The following RFX3 variants were observed in gnomAD, a reference collection of about 807,000 sequenced individuals.
RFX3 encodes the protein transcription factor RFX3.
RFX3 carries 14 observed loss-of-function variants against 98.6 expected under a neutral mutation model. The observed-to-expected ratio is 0.14, with a 90% confidence interval of 0.09 to 0.22. The LOEUF (loss-of-function observed/expected upper bound fraction) is 0.22. Among genes scored for constraint, RFX3 ranks in the 10% least tolerant of loss-of-function variants. The probability of loss-of-function intolerance (pLI) is 1.00; values close to 1 mark genes in which losing one functional copy is unlikely to be tolerated. For missense variants in RFX3, 639 were observed against 926.9 expected (o/e 0.69, Z 4.03); for synonymous variants, 383 against 328.4 (o/e 1.17, Z -1.80).
At chr9:3,451,850 A>C (rs62526386) in intron 1 of RFX3, among the ~76,000 whole-genome samples, 4 of 149,920 alleles carry the variant, frequency 2.7e-5, no homozygotes, top group Non-Finnish European at 1.5e-5. Context: ...TTTTTTTTTA[A>C]TATCTGCTAC....
At chr9:3,341,821 CA>C (rs1833920030) in intron 3 of RFX3, among the ~76,000 whole-genome samples, 2 of 152,152 alleles carry the variant, frequency 1.3e-5, no homozygotes, top group African/African-American at 2.4e-5. Context: ...ACTCCTATAC[CA>C]GTCAGAATGT....
chr9:3,375,195 T>A (rs542765176), intron 2 of RFX3, among the ~76,000 whole-genome samples: 2 of 152,304 alleles, frequency 1.3e-5, no homozygotes, highest in Non-Finnish European at 2.9e-5. Context: ...TTACTACTGA[T>A]CTCTTTCCAA....
chr9:3,489,450 T>C (rs1850560543), intron 1 of RFX3: 1 of 984,324 alleles, frequency 1.0e-6, no homozygotes, highest in Non-Finnish European at 1.2e-6. Context: ...AGCTGCTGCA[T>C]CTTCCTACAT....
chr9:3,321,684 G>A lies in RFX3; in HGVS notation c.474+8575C>T, dbSNP rs1450327125. ...TTGTTTATTGTGGTTTTCTCAGCAG[G>A]ATGTTTTCACCTTTACATAACTGAG... On this transcript the variant is annotated intron_variant, in intron 4 of 16. Coordinates refer to ENST00000617270, the MANE Select transcript of RFX3 (RefSeq NM_001282116.2). 5.3e-5 allele frequency among the ~76,000 whole-genome samples: 8 copies of A among 152,134 alleles called. No individual in the cohort carries two copies. In the East Asian group the frequency reaches 7.7e-4, roughly 15 times the overall value.
chr9:3,339,141 C>G (rs1160099722), intron 3 of RFX3, among the ~76,000 whole-genome samples: 1 of 151,724 alleles, frequency 6.6e-6, no homozygotes, highest in East Asian at 1.9e-4. Flanking sequence ...AAAAAAAACC[C>G]CAAAGTCTAC....
intron 5 of RFX3, among the ~76,000 whole-genome samples, chr9:3,298,558 C>A (rs567003092): frequency 6.6e-6 from 1 of 151,754 alleles, no homozygotes; most frequent in Non-Finnish European, 1.5e-5. Flanking sequence ...GTGAACAAAA[C>A]ATACAAAAAT....
At chr9:3,304,392 AC>A (rs1373966916) in intron 4 of RFX3, among the ~76,000 whole-genome samples, 1 of 152,002 alleles carries the variant, frequency 6.6e-6, no homozygotes, top group African/African-American at 2.4e-5. Context: ...GATCATGATT[AC>A]AAAAATTTTT....
intron 2 of RFX3, among the ~76,000 whole-genome samples, chr9:3,352,141 A>C (rs1018412335): frequency 7.2e-5 from 11 of 152,060 alleles, no homozygotes; most frequent in Non-Finnish European, 1.6e-4. Context: ...CATATTACTA[A>C]GTTTAAAAAG....
chr9:3,516,635 G>A (rs1308838259), intron 1 of RFX3, among the ~76,000 whole-genome samples: 3 of 151,982 alleles, frequency 2.0e-5, no homozygotes, highest in Non-Finnish European at 4.4e-5. Flanking sequence ...TCAATAATTG[G>A]GGAAGAAATG....
At chr9:3,383,142 T>C (rs562203827) in intron 2 of RFX3, among the ~76,000 whole-genome samples, 3 of 152,294 alleles carry the variant, frequency 2.0e-5, no homozygotes, top group Admixed American at 1.3e-4. Context: ...TTTTACTACA[T>C]GGATTTTATC....
chr9:3,316,541 G>C (rs1227882103), intron 4 of RFX3, among the ~76,000 whole-genome samples: 1 of 152,190 alleles, frequency 6.6e-6, no homozygotes, highest in Non-Finnish European at 1.5e-5. Context: ...TCAGGCAAGA[G>C]AAAGAAATAA....
rs1192675928 is a variant in RFX3 at position 3,505,294 on chromosome 9, TTA to T, written c.-9+20451_-9+20452del. On this transcript the variant is annotated intron_variant, in intron 1 of 16. Coordinates refer to ENST00000617270, the MANE Select transcript of RFX3 (RefSeq NM_001282116.2). Reference sequence around the variant, plus strand: ...TATATGAATATATACATTTTTATATTTATATATATATAAATATATATTAATGT... The same window carrying T: ...TATATGAATATATACATTTTTATATTTATATATATAAATATATATTAATGT... 5.0e-3 allele frequency among the ~76,000 whole-genome samples: 397 copies of T among 78,624 alleles called. 20 individuals are homozygous for T. Among genetic ancestry groups the T allele is most frequent in the Non-Finnish European group, 6.3e-3 (323 of 50,898 alleles). The allele number at this position is 78,624 out of a possible 152,430, so 51.6% of individuals were successfully genotyped here.
intron 6 of RFX3, among the ~76,000 whole-genome samples, chr9:3,290,217 G>A (rs1827167623): frequency 1.3e-5 from 2 of 150,320 alleles, no homozygotes; most frequent in Non-Finnish European, 1.5e-5. Context: ...AAAAAAAACA[G>A]GAGACATAAT....
At chr9:3,464,526 T>C (rs1430049869) in intron 1 of RFX3, among the ~76,000 whole-genome samples, 2 of 152,200 alleles carry the variant, frequency 1.3e-5, no homozygotes, top group East Asian at 3.8e-4. Context: ...AACTACATAC[T>C]GCGTGATTCC....
chr9:3,453,727 A>G, intron 1 of RFX3: 1 of 154,508 alleles, frequency 6.5e-6, no homozygotes. Flanking sequence ...AAAAAAAAAA[A>G]AAGAGTAATT....
intron 2 of RFX3, among the ~76,000 whole-genome samples, chr9:3,380,835 C>T (rs1225616750): frequency 6.6e-6 from 1 of 152,078 alleles, no homozygotes; most frequent in East Asian, 1.9e-4. Flanking sequence ...AATTAATTAG[C>T]ATTCTTAGTA....
chr9:3,406,614 TGAAA>T (rs561395838), intron 1 of RFX3, among the ~76,000 whole-genome samples: 287 of 152,256 alleles, frequency 1.9e-3, no homozygotes, highest in African/African-American at 6.5e-3. Context: ...TTTGATTTGT[TGAAA>T]GAACAATCTC....
At chr9:3,270,086 GAAAGAAA>G (rs1824199260) in intron 11 of RFX3, among the ~76,000 whole-genome samples, 1 of 11,122 alleles carries the variant, frequency 9.0e-5, no homozygotes, top group Non-Finnish European at 1.0e-3. Context: ...AAGAAGGAAA[GAAAGAAA>G]GAAAGAAAGA....
At chr9:3,307,588 T>A (rs1342156915) in intron 4 of RFX3, among the ~76,000 whole-genome samples, 2 of 152,154 alleles carry the variant, frequency 1.3e-5, no homozygotes, top group Admixed American at 6.6e-5. Context: ...GGCTTGGTAG[T>A]GCTGTATTTT....
Sources: gnomAD v4.1 joint callset for allele counts (sites outside exome capture counted in the v4.1 genomes callset) on GRCh38, gnomAD v4.1.1 for gene constraint, MANE v1.5 for transcripts, NCBI Gene and HGNC (gene_info 2026-07-23, HGNC 2026-07-21) for gene names.